RBFOX1: variants seen among roughly 807,000 people sequenced by gnomAD.
The protein encoded by RBFOX1 is RNA binding protein fox-1 homolog 1.
In RBFOX1, 8 loss-of-function variants were observed where a neutral mutation model predicts 57.7. The observed-to-expected ratio is 0.14, with a 90% confidence interval of 0.08 to 0.25. RBFOX1 has a LOEUF of 0.25. RBFOX1 is among the 10% of genes least tolerant of loss of function. RBFOX1 has a pLI of 1.00. For synonymous variants in RBFOX1, 326 were observed against 222.4 expected (o/e 1.47, Z -4.15); for missense variants, 611 against 548.5 (o/e 1.11, Z -1.14).
At chr16:6,688,599 C>T (rs1449151763) in intron 3 of RBFOX1, among the ~76,000 whole-genome samples, 2 of 152,190 alleles carry the variant, frequency 1.3e-5, no homozygotes, top group Non-Finnish European at 2.9e-5. Flanking sequence ...AAGCCTGTAT[C>T]ACTGTCCAAC....
chr16:7,302,105 G>A (rs2096049474), intron 4 of RBFOX1, among the ~76,000 whole-genome samples: 1 of 152,056 alleles, frequency 6.6e-6, no homozygotes. Flanking sequence ...CACTCCCCTG[G>A]ATGAACTTCT....
chr16:5,987,419 G>T (rs2060305136), intron 4 of RBFOX1, among the ~76,000 whole-genome samples: 1 of 152,112 alleles, frequency 6.6e-6, no homozygotes, highest in South Asian at 2.1e-4. Flanking sequence ...TTTAAAAATG[G>T]ATCATGTTTT....
At chr16:7,164,789 G>T (rs986492955) in intron 4 of RBFOX1, among the ~76,000 whole-genome samples, 2 of 152,116 alleles carry the variant, frequency 1.3e-5, no homozygotes, top group East Asian at 1.9e-4. Context: ...GATCAACTAA[G>T]TTGTTCTCAA....
chr16:6,061,319 A>G (rs1269521919), intron 1 of RBFOX1, among the ~76,000 whole-genome samples: 2 of 152,182 alleles, frequency 1.3e-5, no homozygotes, highest in Admixed American at 6.5e-5. Flanking sequence ...TTCAGAAGAC[A>G]CAACTACAAC....
intron 1 of RBFOX1, among the ~76,000 whole-genome samples, chr16:6,081,158 A>G (rs559886384): frequency 1.3e-4 from 20 of 152,178 alleles, no homozygotes; most frequent in African/African-American, 4.8e-4. Context: ...TTTCAGATAC[A>G]CTTTAGCAGA....
chr16:7,531,978 A>G (rs1302876800), intron 5 of RBFOX1, among the ~76,000 whole-genome samples: 1 of 152,148 alleles, frequency 6.6e-6, no homozygotes, highest in Non-Finnish European at 1.5e-5. Flanking sequence ...AGCTCACAAG[A>G]GGAAGCCTGG....
intron 4 of RBFOX1, among the ~76,000 whole-genome samples, chr16:5,868,746 G>A (rs2057398883): frequency 6.6e-6 from 1 of 152,160 alleles, no homozygotes; most frequent in Non-Finnish European, 1.5e-5. Context: ...ATGATCTTGT[G>A]ACCAGTCACT....
intron 1 of RBFOX1, among the ~76,000 whole-genome samples, chr16:6,080,721 G>C (rs1054428631): frequency 6.6e-6 from 1 of 152,184 alleles, no homozygotes; most frequent in African/African-American, 2.4e-5. Context: ...AAAAGCAAGA[G>C]AAATACTATT....
chr16:6,829,862 A>G (rs1387802835), intron 3 of RBFOX1, among the ~76,000 whole-genome samples: 1 of 152,162 alleles, frequency 6.6e-6, no homozygotes, highest in African/African-American at 2.4e-5. Context: ...TTGGCCTCCC[A>G]AAGTGCTGGG....
At chr16:5,459,898 C>T (rs1306758442) in intron 1 of RBFOX1, among the ~76,000 whole-genome samples, 1 of 152,136 alleles carries the variant, frequency 6.6e-6, no homozygotes. Flanking sequence ...TCCAACAACA[C>T]CTTAATCTTC....
At chr16:6,642,157 C>G (rs926130168) in intron 2 of RBFOX1, among the ~76,000 whole-genome samples, 2 of 152,186 alleles carry the variant, frequency 1.3e-5, no homozygotes, top group African/African-American at 4.8e-5. Flanking sequence ...AGGCAGGCGA[C>G]AAACCCAGGC....
chr16:7,248,120 G>A (rs1054468754), intron 4 of RBFOX1, among the ~76,000 whole-genome samples: 1 of 152,220 alleles, frequency 6.6e-6, no homozygotes, highest in Non-Finnish European at 1.5e-5. Flanking sequence ...TGTGAATGAA[G>A]GCAAAGACTT....
intron 2 of RBFOX1, among the ~76,000 whole-genome samples, chr16:6,641,501 G>A (rs1265825954): frequency 1.3e-5 from 2 of 151,990 alleles, no homozygotes; most frequent in Non-Finnish European, 2.9e-5. Flanking sequence ...TTGGGAGGCC[G>A]AGGCGGGCAG....
At chr16:6,872,902 A>C (rs1466727854) in intron 3 of RBFOX1, among the ~76,000 whole-genome samples, 1 of 152,220 alleles carries the variant, frequency 6.6e-6, no homozygotes, top group African/African-American at 2.4e-5. Context: ...ATTAGGAAGA[A>C]AGCCATACTT....
At chr16:6,714,471 A>T (rs1163626786) in intron 3 of RBFOX1, among the ~76,000 whole-genome samples, 1 of 152,108 alleles carries the variant, frequency 6.6e-6, no homozygotes, top group Non-Finnish European at 1.5e-5. Context: ...GATCCTTGGA[A>T]CCAACGTACA....
chr16:7,216,844 C>A (rs543895516), intron 4 of RBFOX1, among the ~76,000 whole-genome samples: 42 of 152,146 alleles, frequency 2.8e-4, no homozygotes, highest in African/African-American at 1.0e-3. Flanking sequence ...TTACTTTTTA[C>A]CAAGTTCTAG....
chr16:6,933,043 G>A (rs2076814671), intron 3 of RBFOX1, among the ~76,000 whole-genome samples: 1 of 152,114 alleles, frequency 6.6e-6, no homozygotes, highest in Non-Finnish European at 1.5e-5. Context: ...TATCCTTAAG[G>A]TTCATCTGTG....
At chr16:5,669,746 A>C (rs564722602) in intron 3 of RBFOX1, among the ~76,000 whole-genome samples, 4 of 152,200 alleles carry the variant, frequency 2.6e-5, no homozygotes, top group Non-Finnish European at 5.9e-5. Context: ...TGAAAACACA[A>C]GGAAAGAGCA....
intron 3 of RBFOX1, among the ~76,000 whole-genome samples, chr16:6,927,654 T>C (rs2075840074): frequency 6.6e-6 from 1 of 151,870 alleles, no homozygotes; most frequent in Admixed American, 6.6e-5. Flanking sequence ...TGAATAATAG[T>C]GAGGATGTCA....
Sources: allele counts gnomAD v4.1 joint callset (sites outside exome capture counted in the v4.1 genomes callset), GRCh38; gene constraint gnomAD v4.1.1; transcripts MANE v1.5; gene names NCBI Gene and HGNC (gene_info 2026-07-23, HGNC 2026-07-21).